The following CCSER1 variants were observed in gnomAD, a reference collection of about 807,000 sequenced individuals.
The protein encoded by CCSER1 is coiled-coil serine rich protein 1, also known as serine-rich coiled-coil domain-containing protein 1.
In CCSER1, 41 loss-of-function variants were observed where a neutral mutation model predicts 82.0. The ratio of observed to expected loss-of-function variants is 0.50; its 90% CI spans 0.39 to 0.65. The LOEUF is 0.65. CCSER1 is among the 30% of genes least tolerant of loss of function. The pLI, the probability that CCSER1 is intolerant of heterozygous loss-of-function variation, is 0.00. For synonymous variants in CCSER1, 414 were observed against 383.9 expected, an observed-to-expected ratio of 1.08 and a Z score of -0.92; for missense variants, 1,119 against 1,064.2, an observed-to-expected ratio of 1.05 and a Z score of -0.72.
At chr4:90,574,300 C>T (rs1371500692) in intron 5 of CCSER1, among the ~76,000 whole-genome samples, 15 of 124,326 alleles carry the variant, frequency 1.2e-4, no homozygotes, top group Non-Finnish European at 2.1e-4. Context: ...CTCGCTCTGT[C>T]GCACAGGCTG....
intron 8 of CCSER1, among the ~76,000 whole-genome samples, chr4:90,914,233 C>T (rs952108430): frequency 6.6e-6 from 1 of 152,156 alleles, no homozygotes; most frequent in African/African-American, 2.4e-5. Context: ...AAATTGACCA[C>T]ATAGTTGGAG....
chr4:91,276,631 C>A (rs1044756449), intron 10 of CCSER1, among the ~76,000 whole-genome samples: 1 of 151,986 alleles, frequency 6.6e-6, no homozygotes, highest in African/African-American at 2.4e-5. Flanking sequence ...ATTTGGAATG[C>A]CTTTTCTTTC....
At chr4:91,001,094 G>A (rs148141752) in intron 9 of CCSER1, among the ~76,000 whole-genome samples, 306 of 152,180 alleles carry the variant, frequency 2.0e-3, no homozygotes, top group Middle Eastern at 6.8e-3. Context: ...TTGATGCCTA[G>A]TTTATCGAGG....
At chr4:90,452,436 A>G (rs974759130) in intron 4 of CCSER1, among the ~76,000 whole-genome samples, 1 of 152,224 alleles carries the variant, frequency 6.6e-6, no homozygotes, top group Non-Finnish European at 1.5e-5. Flanking sequence ...TATATGGCAC[A>G]TAAACTGTTA....
intron 6 of CCSER1, among the ~76,000 whole-genome samples, chr4:90,646,666 C>T (rs1254914491): frequency 1.3e-5 from 2 of 152,146 alleles, no homozygotes; most frequent in Non-Finnish European, 2.9e-5. Context: ...ACTGAACTTA[C>T]TATTTCTGTC....
intron 10 of CCSER1, among the ~76,000 whole-genome samples, chr4:91,266,080 G>A (rs2149173322): frequency 6.6e-6 from 1 of 152,202 alleles, no homozygotes; most frequent in Non-Finnish European, 1.5e-5. Context: ...CCCTCATGAT[G>A]CAATTATCTC....
intron 3 of CCSER1, among the ~76,000 whole-genome samples, chr4:90,355,210 G>C (rs1020612496): frequency 2.0e-5 from 3 of 151,530 alleles, no homozygotes; most frequent in African/African-American, 7.3e-5. Context: ...TTGTTTCTTT[G>C]GAATAATGGC....
intron 3 of CCSER1, among the ~76,000 whole-genome samples, chr4:90,330,020 A>G (rs926135429): frequency 1.3e-5 from 2 of 152,180 alleles, no homozygotes; most frequent in Non-Finnish European, 2.9e-5. Context: ...AAAAAATAAC[A>G]TAGAAGAAAA....
intron 1 of CCSER1, among the ~76,000 whole-genome samples, chr4:90,145,635 T>A (rs1725666595): frequency 6.6e-6 from 1 of 152,116 alleles, no homozygotes; most frequent in Non-Finnish European, 1.5e-5. Flanking sequence ...CTTTATGCAG[T>A]CATTGTCTTA....
chr4:90,182,167 T>G (rs962422787), intron 1 of CCSER1, among the ~76,000 whole-genome samples: 5 of 152,200 alleles, frequency 3.3e-5, no homozygotes, highest in Admixed American at 3.3e-4. Flanking sequence ...AACTTTATAT[T>G]TTTTCTTAAA....
rs149264643 is a variant in CCSER1, at chr4:91,251,090, A to G, written c.2217+165096A>G. 1.7e-3 allele frequency among the ~76,000 whole-genome samples: 262 copies of G among 152,254 alleles called. 1 individual carries two copies. Among genetic ancestry groups the G allele is most frequent in the African/African-American group, 5.9e-3 (246 of 41,554 alleles). Reference sequence around the variant, plus strand: ...TATAGAGAGGAAGAACACTGAAACAATGAGAATCTGTCAAAGGTCACTGTC... The same window carrying G: ...TATAGAGAGGAAGAACACTGAAACAGTGAGAATCTGTCAAAGGTCACTGTC... On this transcript the variant is annotated intron_variant, in intron 10 of 10. Transcript: ENST00000509176.
chr4:90,487,732 G>A (rs957997048), intron 5 of CCSER1, among the ~76,000 whole-genome samples: 7 of 152,096 alleles, frequency 4.6e-5, no homozygotes, highest in African/African-American at 7.2e-5. Context: ...TGCAACCTGC[G>A]CCTCTGGGTT....
intron 10 of CCSER1, among the ~76,000 whole-genome samples, chr4:91,381,232 T>G (rs1278808307): frequency 6.6e-6 from 1 of 152,278 alleles, no homozygotes; most frequent in Middle Eastern, 3.4e-3. Context: ...GTCTTGGGGT[T>G]GCTCTTCTCG....
intron 6 of CCSER1, among the ~76,000 whole-genome samples, chr4:90,644,643 A>T (rs1727165467): frequency 6.6e-6 from 1 of 151,408 alleles, no homozygotes; most frequent in South Asian, 2.1e-4. Flanking sequence ...AACAGGCCCC[A>T]GTGCGTGTTG....
chr4:90,620,894 A>G (rs1579523220), intron 5 of CCSER1, among the ~76,000 whole-genome samples: 1 of 151,918 alleles, frequency 6.6e-6, no homozygotes, highest in African/African-American at 2.4e-5. Flanking sequence ...GCTCACTGCA[A>G]CCTCCACCTC....
chr4:91,065,025 AAC>A (rs1720658220), intron 9 of CCSER1, among the ~76,000 whole-genome samples: 1 of 152,162 alleles, frequency 6.6e-6, no homozygotes, highest in South Asian at 2.1e-4. Flanking sequence ...ACAACTCAGG[AAC>A]ACACATGTAT....
chr4:90,184,959 C>G (rs972662208), intron 1 of CCSER1, among the ~76,000 whole-genome samples: 3 of 152,030 alleles, frequency 2.0e-5, no homozygotes, highest in African/African-American at 7.2e-5. Context: ...CCAAAACTTC[C>G]ATATTCCTTA....
At chr4:91,168,178 CCAT>C (rs1732333340) in intron 10 of CCSER1, among the ~76,000 whole-genome samples, 1 of 148,184 alleles carries the variant, frequency 6.7e-6, no homozygotes, top group Non-Finnish European at 1.5e-5. Flanking sequence ...GCCCGGCCGC[CCAT>C]CGTCTGGGAA....
intron 1 of CCSER1, among the ~76,000 whole-genome samples, chr4:90,263,324 G>A (rs1238253138): frequency 6.6e-6 from 1 of 152,190 alleles, no homozygotes; most frequent in Non-Finnish European, 1.5e-5. Context: ...CTCGTACTGG[G>A]GATGTCTGCA....
Sources: allele counts gnomAD v4.1 joint callset (sites outside exome capture counted in the v4.1 genomes callset), GRCh38; gene constraint gnomAD v4.1.1; transcripts MANE v1.5; gene names NCBI Gene and HGNC (gene_info 2026-07-23, HGNC 2026-07-21).